The following CCDC15 variants were observed in gnomAD, a reference collection of about 807,000 sequenced individuals.
CCDC15 encodes coiled-coil domain containing 15, also known as coiled-coil domain-containing protein 15.
In CCDC15, 105 loss-of-function variants were observed where a neutral mutation model predicts 114.5. That is an observed-to-expected ratio of 0.92 (90% CI 0.78 to 1.08). CCDC15 has a LOEUF of 1.08. Among genes scored for constraint, CCDC15 ranks in the 50% least tolerant of loss-of-function variants. The pLI, the probability that CCDC15 is intolerant of heterozygous loss-of-function variation, is 0.00. For synonymous variants in CCDC15, 334 were observed against 377.8 expected (o/e 0.88, Z 1.34); for missense variants, 1,105 against 1,093.6 (o/e 1.01, Z -0.15).
chr11:125,017,338 G>A (rs918770459), intron 13 of CCDC15, among the ~76,000 whole-genome samples: 1 of 152,108 alleles, frequency 6.6e-6, no homozygotes, highest in African/African-American at 2.4e-5. Flanking sequence ...CAGTGGGGAA[G>A]CAGATAAATA....
At chr11:124,971,119 C>T (rs1027901659) in intron 4 of CCDC15, among the ~76,000 whole-genome samples, 1 of 152,108 alleles carries the variant, frequency 6.6e-6, no homozygotes, top group African/African-American at 2.4e-5. Flanking sequence ...TTAGAAGGCA[C>T]TGTGATTGGT....
rs1455896931 is a variant in CCDC15, at chr11:124,954,824, T to G, written c.92T>G (p.Val31Gly). 3.1e-6 allele frequency: 5 copies of G among 1,614,034 alleles called. No individual in the cohort carries two copies. In the South Asian group the frequency reaches 5.5e-5, roughly 18 times the overall value. ...CTGAAGAGCAAGGACGTGTTGGCAG[T>G]GCTGGCTGAGAGGAACGAGGCTATA... Reference protein sequence around the residue: ...NPLKSKDVLAVLAERNEAIVP... With the variant: ...NPLKSKDVLAGLAERNEAIVP... The change falls in exon 2 of 16, where the codon GTG becomes GGG. Residue 31 changes from valine to glycine, a missense_variant. Transcript: ENST00000344762.
At chr11:125,001,211 C>G (rs1948475713) in intron 11 of CCDC15, among the ~76,000 whole-genome samples, 1 of 152,142 alleles carries the variant, frequency 6.6e-6, no homozygotes, top group Non-Finnish European at 1.5e-5. Flanking sequence ...AGTATGAGAG[C>G]TGAAACAAAA....
chr11:124,974,424 G>T (rs1947938677), intron 4 of CCDC15, among the ~76,000 whole-genome samples: 1 of 152,190 alleles, frequency 6.6e-6, no homozygotes, highest in South Asian at 2.1e-4. Flanking sequence ...TGGAGATAAG[G>T]AATGAACACG....
chr11:124,968,674 C>A (rs1227674880), intron 4 of CCDC15, among the ~76,000 whole-genome samples: 1 of 151,954 alleles, frequency 6.6e-6, no homozygotes, highest in Admixed American at 6.5e-5. Flanking sequence ...CACTGTCCAG[C>A]CAGTCCCAAG....
chr11:124,987,944 A>T lies in CCDC15; in HGVS notation c.1718A>T (p.Asp573Val), dbSNP rs370673006. The change falls in exon 8 of 16, where the codon GAC (aspartate) becomes GTC (valine). Residue 573 changes from aspartate to valine, a missense_variant. By Grantham distance (152) the Asp-to-Val change is radical. Coordinates refer to ENST00000344762, the MANE Select transcript of CCDC15 (RefSeq NM_025004.3). Reference sequence around the variant, plus strand: ...AGAGACCAAGGTGTTCTTCCCAAAGACCAAAATATTCTACCCATATGTCAG... The same window carrying T: ...AGAGACCAAGGTGTTCTTCCCAAAGTCCAAAATATTCTACCCATATGTCAG... ...LPRDQGVLPKDQNILPICQDQ... is the reference protein window; with the variant it reads ...LPRDQGVLPKVQNILPICQDQ... The T allele has an allele frequency of 4.3e-6, 7 of 1,613,976 alleles. 1 individual carries two copies. The highest frequency in any genetic ancestry group is 5.9e-6 in the Non-Finnish European group (7 of 1,179,856).
At chr11:124,992,446 C>G (rs1215049352) in intron 9 of CCDC15, 134 bp from the exon 10 acceptor site, 2 of 606,624 alleles carry the variant, frequency 3.3e-6, no homozygotes, top group Non-Finnish European at 5.8e-6. Flanking sequence ...ACATCTCCCT[C>G]ATATCAAAAC....
In CCDC15 at chr11:124,979,662, T is replaced by C. The variant is rs541022035; in HGVS notation, c.753+2062T>C. 2.1e-3 allele frequency among the ~76,000 whole-genome samples: 322 copies of C among 152,284 alleles called. 2 individuals are homozygous for C. The highest frequency in any genetic ancestry group is 7.3e-3 in the African/African-American group (303 of 41,570). ...AAGTTGTTTATCAGATCATGGAGCT[T>C]TGGGCAGAGACTATGGGGATTTCTA... is the stretch of plus-strand genomic sequence containing the variant. On this transcript the variant is annotated intron_variant, in intron 6 of 15. Coordinates refer to ENST00000344762, the MANE Select transcript of CCDC15 (RefSeq NM_025004.3).
In CCDC15 at chr11:125,030,224, G is replaced by A. The variant is rs149098821; in HGVS notation, c.2412-8207G>A. Among the ~76,000 whole-genome samples, 463 of 152,248 alleles carry A rather than the reference G, an allele frequency of 3.0e-3. 1 individual carries two copies. The highest frequency in any genetic ancestry group is 0.01 in the African/African-American group (436 of 41,546). On this transcript the variant is annotated intron_variant, in intron 13 of 15. Coordinates refer to ENST00000344762, the MANE Select transcript of CCDC15 (RefSeq NM_025004.3). ...TATGGGAGAAACAGTACCACATATT[G>A]GACGCTGATTCAGAGCGTACACAGC...
At chr11:124,957,337 T>G (rs2135425405) in intron 2 of CCDC15, among the ~76,000 whole-genome samples, 1 of 152,346 alleles carries the variant, frequency 6.6e-6, no homozygotes, top group East Asian at 1.9e-4. Context: ...GCTTTCTTAT[T>G]CACATATCTG....
rs559091492 is a variant in CCDC15, at chr11:125,017,973, A to G, written c.2411+12761A>G. On this transcript the variant is annotated intron_variant, in intron 13 of 15. Coordinates refer to ENST00000344762, the MANE Select transcript of CCDC15 (RefSeq NM_025004.3). ...TATTATAAAAGAGTCAAGTAAAAAA[A>G]TTCAGTTTATAAAGTTAAAAAGTTA... Among the ~76,000 whole-genome samples the G allele has an allele frequency of 3.9e-5, 6 of 152,282 alleles. No individual in the cohort carries two copies. The South Asian group carries it at 6.2e-4, about 16-fold the overall frequency.
At chr11:125,036,074 T>C (rs1185611698) in intron 13 of CCDC15, among the ~76,000 whole-genome samples, 2 of 143,322 alleles carry the variant, frequency 1.4e-5, no homozygotes, top group Non-Finnish European at 3.0e-5. Context: ...CTAGTGAGTT[T>C]TGTGCCTTCG....
intron 4 of CCDC15, among the ~76,000 whole-genome samples, chr11:124,968,144 C>G (rs576309487): frequency 9.8e-5 from 15 of 152,344 alleles, no homozygotes; most frequent in African/African-American, 3.1e-4. Flanking sequence ...TGTCCGTTCT[C>G]AGAGCTCAAA....
chr11:125,037,766 G>A (rs545420324), intron 13 of CCDC15, among the ~76,000 whole-genome samples: 1 of 152,290 alleles, frequency 6.6e-6, no homozygotes, highest in Admixed American at 6.5e-5. Context: ...TGTTTGATTT[G>A]TGTACTTTTT....
intron 13 of CCDC15, among the ~76,000 whole-genome samples, chr11:125,023,851 C>T (rs1161858079): frequency 6.6e-6 from 1 of 152,002 alleles, no homozygotes; most frequent in Admixed American, 6.6e-5. Flanking sequence ...TGAAACTCTT[C>T]TGCCAAATGA....
intron 4 of CCDC15, among the ~76,000 whole-genome samples, chr11:124,960,832 A>G (rs1565353166): frequency 6.6e-6 from 1 of 152,154 alleles, no homozygotes; most frequent in Non-Finnish European, 1.5e-5. Flanking sequence ...TGCTTCAGTA[A>G]TTGTTCTTCA....
chr11:125,008,366 A>G (rs1948566344), intron 13 of CCDC15, among the ~76,000 whole-genome samples: 1 of 152,226 alleles, frequency 6.6e-6, no homozygotes, highest in Non-Finnish European at 1.5e-5. Flanking sequence ...ACTTTTGTAT[A>G]TTAAACTTGT....
chr11:125,039,300 A>C, intron 15 of CCDC15: 1 of 410,076 alleles, frequency 2.4e-6, no homozygotes. Context: ...TTTTCAGCTC[A>C]TTCTACTGTA....
At chr11:125,038,747 T>C in intron 14 of CCDC15, 143 bp downstream of exon 14, 1 of 1,148,090 alleles carries the variant, frequency 8.7e-7, no homozygotes, top group Admixed American at 3.0e-5. Flanking sequence ...CCAAATTTTT[T>C]GATTGCCTAA....
Sources: allele counts gnomAD v4.1 joint callset (sites outside exome capture counted in the v4.1 genomes callset), GRCh38; gene constraint gnomAD v4.1.1; transcripts MANE v1.5; gene names NCBI Gene and HGNC (gene_info 2026-07-23, HGNC 2026-07-21).